The following EYA1 variants were observed in gnomAD, a reference collection of about 807,000 sequenced individuals.
The protein encoded by EYA1 is protein phosphatase EYA1.
A neutral mutation model predicts 82.0 loss-of-function variants in EYA1; 16 were observed. That is an observed-to-expected ratio of 0.20 (90% CI 0.13 to 0.30). The LOEUF (loss-of-function observed/expected upper bound fraction) is 0.30. EYA1 is among the 10% of genes least tolerant of loss of function. The pLI is 1.00. For synonymous variants in EYA1, 261 were observed against 264.4 expected (o/e 0.99, Z 0.12); for missense variants, 633 against 730.7 (o/e 0.87, Z 1.54).
At chr8:71,244,343 C>T (rs1812823185) in intron 12 of EYA1, among the ~76,000 whole-genome samples, 1 of 152,156 alleles carries the variant, frequency 6.6e-6, no homozygotes, top group Non-Finnish European at 1.5e-5. Context: ...TATGTGGCTT[C>T]TGATAATCAA....
At chr8:71,273,733 T>C (rs1010588900) in intron 9 of EYA1, among the ~76,000 whole-genome samples, 1 of 152,230 alleles carries the variant, frequency 6.6e-6, no homozygotes, top group Non-Finnish European at 1.5e-5. Context: ...CACCATCTAA[T>C]TCAACCTGCA....
At chr8:71,315,775 A>G (rs1821861140) in intron 7 of EYA1, among the ~76,000 whole-genome samples, 2 of 152,238 alleles carry the variant, frequency 1.3e-5, no homozygotes, top group South Asian at 4.1e-4. Context: ...AGGCTGCATA[A>G]AAGTTTTGGA....
At position 71,491,869 on chromosome 8, in the gene EYA1, A is replaced by G. The variant is rs1811019357; in HGVS notation, c.33+43875T>C. ...TGACTGTTTTTAGTTTACTGAATAT[A>G]GCCAACACAATTATACGGGTATTTA... On this transcript the variant is annotated intron_variant, in intron 2 of 18. Coordinates refer to the EYA1 transcript ENST00000643681. 3.3e-5 allele frequency among the ~76,000 whole-genome samples: 5 copies of G among 152,238 alleles called. 1 individual carries two copies. The South Asian group carries it at 1.0e-3, about 31-fold the overall frequency.
intron 4 of EYA1, among the ~76,000 whole-genome samples, chr8:71,325,302 G>T (rs1028564951): frequency 6.6e-6 from 1 of 151,972 alleles, no homozygotes; most frequent in African/African-American, 2.4e-5. Flanking sequence ...TTTCCCTTTA[G>T]GATAACGTCT....
At chr8:71,362,162 T>TTTC (rs1261055548), upstream of EYA1, 7 of 969,400 alleles carry the variant, frequency 7.2e-6, no homozygotes, top group African/African-American at 1.3e-4. Context: ...TTTCTTTTTT[T>TTTC]TTTTTTTTTT....
intron 12 of EYA1, among the ~76,000 whole-genome samples, chr8:71,221,069 A>G (rs1809845091): frequency 6.6e-6 from 1 of 152,238 alleles, no homozygotes; most frequent in African/African-American, 2.4e-5. Flanking sequence ...ATCGTCCTAC[A>G]TTCTATTTAG....
At position 71,271,649 on chromosome 8, in the gene EYA1, C is replaced by G; in HGVS notation, c.966+109G>C. On this transcript the variant is annotated intron_variant, in intron 10 of 17. Transcript: ENST00000340726. ...GTTAATATAAAAAAGAAAGCAGTAA[C>G]AAAAGCATCTGATACCTTAACCACT... The G allele has an allele frequency of 1.1e-5, 13 of 1,195,522 alleles. 1 individual carries two copies. Among genetic ancestry groups the G allele is most frequent in the Non-Finnish European group, 6.3e-6 (5 of 799,992 alleles). The allele number at this position is 1,195,522 out of a possible 1,614,324, so 74.1% of individuals were successfully genotyped here.
chr8:71,545,944 T>G (rs1268537480), intron 1 of EYA1, among the ~76,000 whole-genome samples: 8 of 152,198 alleles, frequency 5.3e-5, no homozygotes, highest in Non-Finnish European at 2.9e-5. Flanking sequence ...AGTTACACTG[T>G]GCTCTCTCTT....
chr8:71,446,882 A>G (rs1806926762), intron 2 of EYA1, among the ~76,000 whole-genome samples: 1 of 152,132 alleles, frequency 6.6e-6, no homozygotes, highest in Non-Finnish European at 1.5e-5. Flanking sequence ...ATTATAATTT[A>G]CTAGGTCTTT....
At chr8:71,375,845 T>C (rs1273723039) in intron 2 of EYA1, among the ~76,000 whole-genome samples, 1 of 152,132 alleles carries the variant, frequency 6.6e-6, no homozygotes, top group Non-Finnish European at 1.5e-5. Context: ...GCCAGGCTGG[T>C]CTCGAACTCC....
intron 7 of EYA1, among the ~76,000 whole-genome samples, chr8:71,305,392 T>C (rs1016328886): frequency 3.5e-5 from 5 of 142,330 alleles, no homozygotes; most frequent in Non-Finnish European, 6.4e-5. Context: ...TAATTCTCAA[T>C]AGAGTTTGGG....
At chr8:71,268,769 T>C (rs746722369) in intron 11 of EYA1, among the ~76,000 whole-genome samples, 2 of 152,220 alleles carry the variant, frequency 1.3e-5, no homozygotes, top group Non-Finnish European at 2.9e-5. Flanking sequence ...TGCATATCCA[T>C]AGCAGATACT....
At chr8:71,533,072 T>C (rs898765558) in intron 2 of EYA1, among the ~76,000 whole-genome samples, 4 of 152,104 alleles carry the variant, frequency 2.6e-5, no homozygotes, top group African/African-American at 9.7e-5. Context: ...GCAAAACTGA[T>C]GCAAAGTGGA....
At chr8:71,372,885 T>C (rs541546200) in intron 2 of EYA1, among the ~76,000 whole-genome samples, 2 of 152,212 alleles carry the variant, frequency 1.3e-5, no homozygotes, top group Non-Finnish European at 2.9e-5. Flanking sequence ...TCAAAAGCAC[T>C]GATCACCTCA....
At chr8:71,278,994 C>T (rs557960530) in intron 9 of EYA1, among the ~76,000 whole-genome samples, 4 of 152,238 alleles carry the variant, frequency 2.6e-5, no homozygotes, top group East Asian at 1.9e-4. Flanking sequence ...AACTCCTAGC[C>T]GAGAGGAAGC....
intron 2 of EYA1, among the ~76,000 whole-genome samples, chr8:71,486,076 C>A (rs915989513): frequency 6.6e-6 from 1 of 152,208 alleles, no homozygotes; most frequent in East Asian, 1.9e-4. Flanking sequence ...TTGAAGGGTG[C>A]GGCAGAATCA....
chr8:71,278,207 GTC>G (rs145807280), intron 9 of EYA1, among the ~76,000 whole-genome samples: 3 of 151,726 alleles, frequency 2.0e-5, no homozygotes, highest in African/African-American at 7.3e-5. Flanking sequence ...TTAGTTCTTT[GTC>G]TCTCTCTCTC....
At chr8:71,411,910 C>T (rs1294983640) in intron 2 of EYA1, among the ~76,000 whole-genome samples, 1 of 150,764 alleles carries the variant, frequency 6.6e-6, no homozygotes, top group South Asian at 2.1e-4. Flanking sequence ...AATCATGCTT[C>T]TATAAAGACA....
chr8:71,315,539 C>A (rs1464158299), intron 7 of EYA1, among the ~76,000 whole-genome samples: 1 of 152,286 alleles, frequency 6.6e-6, no homozygotes, highest in South Asian at 2.1e-4. Flanking sequence ...TGATGTCTCC[C>A]GGAGGAATCT....
Sources: allele counts gnomAD v4.1 joint callset (sites outside exome capture counted in the v4.1 genomes callset), GRCh38; gene constraint gnomAD v4.1.1; transcripts MANE v1.5; gene names NCBI Gene and HGNC (gene_info 2026-07-23, HGNC 2026-07-21).